The following VAPB variants were observed in gnomAD, a reference collection of about 807,000 sequenced individuals.
VAPB encodes vesicle-associated membrane protein-associated protein B/C.
VAPB carries 7 observed loss-of-function variants against 25.6 expected under a neutral mutation model. The observed-to-expected ratio is 0.27, with a 90% CI of 0.16 to 0.51. The LOEUF is 0.51. VAPB is among the 20% of genes least tolerant of loss of function. The pLI is 0.97. For missense variants in VAPB, 266 were observed against 301.3 expected (o/e 0.88, Z 0.87); for synonymous variants, 112 against 109.2 (o/e 1.03, Z -0.16).
intron 5 of VAPB, 132 bp downstream of exon 5, chr20:58,441,215 C>T (rs1989154175): frequency 5.0e-6 from 5 of 1,006,240 alleles, no homozygotes; most frequent in Non-Finnish European, 4.5e-6. Flanking sequence ...TTTTTCTCCC[C>T]AGGGAGAAAT....
intron 1 of VAPB, among the ~76,000 whole-genome samples, chr20:58,410,503 G>A (rs6026247): frequency 0.28 from 42,370 of 151,836 alleles, 6,173 homozygotes; most frequent in African/African-American, 0.34. Flanking sequence ...TGTAACCTTC[G>A]CCTCCTGGGT....
At position 58,447,471 on chromosome 20, in the gene VAPB, A is replaced by C. The variant is rs1402586629; in HGVS notation, c.*3236A>C. 4.4e-6 allele frequency: 2 copies of C among 453,958 alleles called. No individual in the cohort carries two copies. The highest frequency in any genetic ancestry group is 4.4e-6 in the Non-Finnish European group (1 of 226,798). The allele number at this position is 453,958 out of a possible 1,614,324, so 28.1% of individuals were successfully genotyped here. On this transcript the variant is annotated 3_prime_UTR_variant, in exon 6 of 6. Transcript: ENST00000475243. ...TATACCTCCATAACACAGAAGGGGGAAAAATGAAGAACCTCCAGTGATCCG... is the reference window on the plus strand; with the variant it reads ...TATACCTCCATAACACAGAAGGGGGCAAAATGAAGAACCTCCAGTGATCCG...
intron 2 of VAPB, among the ~76,000 whole-genome samples, chr20:58,421,049 T>C (rs1007030383): frequency 5.9e-5 from 9 of 152,198 alleles, no homozygotes; most frequent in African/African-American, 1.9e-4. Context: ...TCCCCAGATA[T>C]GCACATGGCC....
intron 2 of VAPB, among the ~76,000 whole-genome samples, chr20:58,424,442 G>A (rs1988741475): frequency 6.6e-6 from 1 of 151,948 alleles, no homozygotes; most frequent in Non-Finnish European, 1.5e-5. Flanking sequence ...GTGGGGAGCT[G>A]GAATTCCTTA....
At chr20:58,414,357 C>T (rs1301755076) in intron 1 of VAPB, among the ~76,000 whole-genome samples, 10 of 142,698 alleles carry the variant, frequency 7.0e-5, no homozygotes, top group African/African-American at 1.0e-4. Flanking sequence ...ACGGGGCGGC[C>T]GCCGGGCGGA....
chr20:58,401,502 C>G (rs772738292), intron 1 of VAPB, among the ~76,000 whole-genome samples: 2 of 152,130 alleles, frequency 1.3e-5, no homozygotes, highest in Non-Finnish European at 2.9e-5. Flanking sequence ...ACCATTTGAC[C>G]CCTGTTGTCA....
At chr20:58,414,874 G>A (rs532647934) in intron 1 of VAPB, among the ~76,000 whole-genome samples, 15 of 152,346 alleles carry the variant, frequency 9.8e-5, no homozygotes, top group Non-Finnish European at 1.3e-4. Flanking sequence ...CAAGGCAGGC[G>A]GCTGGGAGGT....
Position 58,449,763 on chromosome 20 carries a change from A to G in VAPB, c.*5528A>G, listed in dbSNP as rs753071517. 4.4e-6 allele frequency: 2 copies of G among 454,138 alleles called. No individual in the cohort carries two copies. Among genetic ancestry groups the G allele is most frequent in the South Asian group, 3.1e-5 (2 of 64,478 alleles). 28.1% of individuals were successfully genotyped at this position (454,138 alleles called of 1,614,324 possible). A position where few individuals can be genotyped will look rare whatever the true frequency, so the allele number is the denominator to read the frequency against. On this transcript the variant is annotated 3_prime_UTR_variant, in exon 6 of 6. Transcript: ENST00000475243. ...CCCCAGGGCTGATGGAGATGTAATC[A>G]CTTGGCTAATGGATGTGGGTGCAGG...
Position 58,448,412 on chromosome 20 carries a change from T to TA in VAPB, c.*4178dup, listed in dbSNP as rs1180489859. On this transcript the variant is annotated 3_prime_UTR_variant, in exon 6 of 6. Transcript: ENST00000475243. ...TTACTGTTGTTTCAATGCCACTCCT[T>TA]ACCTGTATAGAACATTTCCAATACA... is the stretch of plus-strand genomic sequence containing the variant. 2.2e-6 allele frequency: 1 copy of TA among 454,114 alleles called. No homozygotes were observed. The allele number at this position is 454,114 out of a possible 1,614,324, so 28.1% of individuals were successfully genotyped here.
intron 2 of VAPB, among the ~76,000 whole-genome samples, chr20:58,422,666 C>T (rs1289284411): frequency 2.6e-5 from 4 of 151,454 alleles, no homozygotes; most frequent in African/African-American, 9.7e-5. Flanking sequence ...ATATTCCAAA[C>T]CATGTTTGCC....
At chr20:58,421,289 C>T (rs1476357) in intron 2 of VAPB, among the ~76,000 whole-genome samples, 18,845 of 152,114 alleles carry the variant, frequency 0.12, 1,194 homozygotes, top group African/African-American at 0.14. Context: ...TACATTTGTA[C>T]GTTCGTTGTT....
intron 1 of VAPB, among the ~76,000 whole-genome samples, chr20:58,400,110 C>T (rs550709437): frequency 9.2e-5 from 14 of 152,142 alleles, no homozygotes; most frequent in Non-Finnish European, 1.6e-4. Context: ...AATTTGTACC[C>T]GGGTCTTACA....
Position 58,448,668 on chromosome 20 carries a change from T to G in VAPB, c.*4433T>G. 2.2e-6 allele frequency: 1 copy of G among 453,946 alleles called. No individual in the cohort carries two copies. The highest frequency in any genetic ancestry group is 1.6e-5 in the South Asian group (1 of 64,476). 28.1% of individuals were successfully genotyped at this position (453,946 alleles called of 1,614,324 possible). ...CTACTCTGCCCGTCTGTACATCTTT[T>G]GTGTCTGCCTCCGTACCTTATTCAG... On this transcript the variant is annotated 3_prime_UTR_variant, in exon 6 of 6. Transcript: ENST00000475243.
chr20:58,434,812 A>G (rs1600812972), intron 3 of VAPB, 107 bp downstream of exon 3: 1 of 687,184 alleles, frequency 1.5e-6, no homozygotes, highest in Non-Finnish European at 2.6e-6. Flanking sequence ...AATTATTTAA[A>G]AGGGAATAGT....
In VAPB at chr20:58,449,430, A is replaced by G. The variant is rs531341363; in HGVS notation, c.*5195A>G. 6.6e-6 allele frequency: 3 copies of G among 452,608 alleles called. No homozygotes were observed. In the East Asian group the frequency reaches 2.1e-4, roughly 31 times the overall value. 28.0% of individuals were successfully genotyped at this position (452,608 alleles called of 1,614,324 possible). A position where few individuals can be genotyped will look rare whatever the true frequency, so the allele number is the denominator to read the frequency against. ...TGGATGAGAGGTTGTCTTCATGAAT[A>G]TAATTACTTGAGATTTTTTTTTCTT... On this transcript the variant is annotated 3_prime_UTR_variant, in exon 6 of 6. Transcript: ENST00000475243.
chr20:58,416,385 C>T (rs1265584674), intron 1 of VAPB, among the ~76,000 whole-genome samples: 1 of 71,526 alleles, frequency 1.4e-5, no homozygotes, highest in Non-Finnish European at 3.1e-5. Flanking sequence ...TAAACAAATA[C>T]TTAAATTTGG....
intron 2 of VAPB, among the ~76,000 whole-genome samples, chr20:58,422,072 G>A (rs1988681111): frequency 1.3e-5 from 2 of 152,210 alleles, no homozygotes; most frequent in Non-Finnish European, 2.9e-5. Context: ...TTTTGTGTCA[G>A]TGGATTATAA....
chr20:58,422,979 A>G (rs1037433442), intron 2 of VAPB, among the ~76,000 whole-genome samples: 1 of 152,206 alleles, frequency 6.6e-6, no homozygotes, highest in Non-Finnish European at 1.5e-5. Flanking sequence ...TGGATTAAAG[A>G]CAAACACAAA....
intron 1 of VAPB, among the ~76,000 whole-genome samples, chr20:58,401,594 C>T (rs550634670): frequency 1.3e-5 from 2 of 152,214 alleles, no homozygotes; most frequent in South Asian, 4.1e-4. Context: ...GTTTTGCCCA[C>T]TCATCATGCA....
Sources: allele counts gnomAD v4.1 joint callset (sites outside exome capture counted in the v4.1 genomes callset), GRCh38; gene constraint gnomAD v4.1.1; transcripts MANE v1.5; gene names NCBI Gene and HGNC (gene_info 2026-07-23, HGNC 2026-07-21).